Variants in CNTNAP3B observed in about 807,000 individuals in gnomAD.
The protein encoded by CNTNAP3B is contactin associated protein family member 3B, also known as contactin-associated protein-like 3B.
In CNTNAP3B, 25 loss-of-function variants were observed where a neutral mutation model predicts 108.9. The ratio of observed to expected loss-of-function variants is 0.23; its 90% confidence interval spans 0.17 to 0.32. The LOEUF (loss-of-function observed/expected upper bound fraction) is 0.32, where lower values mean the gene tolerates loss of function less well. CNTNAP3B is among the 10% of genes least tolerant of loss of function. CNTNAP3B has a pLI of 1.00. For missense variants in CNTNAP3B, 252 were observed against 1,210.4 expected, an observed-to-expected ratio of 0.21 and a Z score of 11.75; for synonymous variants, 103 against 473.4, an observed-to-expected ratio of 0.22 and a Z score of 10.16.
Position 42,055,130 on chromosome 9 carries a change from A to G in CNTNAP3B, c.390+21739T>C, listed in dbSNP as rs1162587376. Among the ~76,000 whole-genome samples, 4 of 138,796 alleles carry G rather than the reference A, an allele frequency of 2.9e-5. 1 individual carries two copies. The highest frequency in any genetic ancestry group is 8.6e-5 in the African/African-American group (3 of 34,952). 91.1% of individuals were successfully genotyped at this position (138,796 alleles called of 152,430 possible). A position where few individuals can be genotyped will look rare whatever the true frequency, so the allele number is the denominator to read the frequency against. ...ATCACTACTTATTATTATTTTTTAC[A>G]TTTATTTCAGTTTGTTTTTAATTGA... On this transcript the variant is annotated intron_variant, in intron 3 of 23. Coordinates refer to ENST00000377561, the MANE Select transcript of CNTNAP3B (RefSeq NM_001201380.3).
chr9:42,103,242 T>C (rs1416960235), intron 2 of CNTNAP3B, among the ~76,000 whole-genome samples: 1 of 146,654 alleles, frequency 6.8e-6, no homozygotes, highest in East Asian at 2.0e-4. Flanking sequence ...CCCATATCTC[T>C]GCAACAAATG....
intron 3 of CNTNAP3B, among the ~76,000 whole-genome samples, chr9:42,028,695 A>G: frequency 6.7e-6 from 1 of 150,140 alleles, no homozygotes; most frequent in Non-Finnish European, 1.5e-5. Context: ...GAATTTTTAA[A>G]TATATTTTAG....
At chr9:41,925,548 C>T (rs924132248) in intron 15 of CNTNAP3B, among the ~76,000 whole-genome samples, 1 of 152,264 alleles carries the variant, frequency 6.6e-6, no homozygotes, top group Admixed American at 6.5e-5. Flanking sequence ...AGCCGAGATC[C>T]TGCCACTGCA....
Position 42,105,629 on chromosome 9 carries a change from G to A in CNTNAP3B, c.86-890C>T, listed in dbSNP as rs1319158563. 3.2e-5 allele frequency among the ~76,000 whole-genome samples: 2 copies of A among 61,896 alleles called. 1 individual carries two copies. Among genetic ancestry groups the A allele is most frequent in the African/African-American group, 1.0e-4 (2 of 19,592 alleles). 40.6% of individuals were successfully genotyped at this position (61,896 alleles called of 152,430 possible). On this transcript the variant is annotated intron_variant, in intron 1 of 23. Coordinates refer to ENST00000377561, the MANE Select transcript of CNTNAP3B (RefSeq NM_001201380.3). ...CCACCATCAAACTTGAGGAGCCCCT[G>A]GGACCATTCCCACCTTGGGTAGCTC...
chr9:41,920,834 G>A (rs1458802071), intron 17 of CNTNAP3B, among the ~76,000 whole-genome samples: 6 of 152,392 alleles, frequency 3.9e-5, no homozygotes, highest in African/African-American at 1.2e-4. Flanking sequence ...AAGCAAAGGA[G>A]GGGAAGTTGG....
intron 14 of CNTNAP3B, among the ~76,000 whole-genome samples, chr9:41,933,942 GAAAT>G (rs1416298265): frequency 1.3e-5 from 2 of 151,484 alleles, no homozygotes; most frequent in African/African-American, 4.9e-5. Context: ...ATTCTATAAA[GAAAT>G]AATTTTTCCT....
chr9:42,111,220 C>T (rs1482445710), intron 1 of CNTNAP3B, among the ~76,000 whole-genome samples: 13 of 139,610 alleles, frequency 9.3e-5, no homozygotes, highest in Non-Finnish European at 1.5e-5. Context: ...TGAATAACAG[C>T]AGAACTTGGG....
At chr9:41,964,066 C>T (rs1415890988) in intron 11 of CNTNAP3B, among the ~76,000 whole-genome samples, 2 of 152,412 alleles carry the variant, frequency 1.3e-5, no homozygotes, top group Non-Finnish European at 2.9e-5. Context: ...AAAATCTTGC[C>T]ATGTACAATC....
chr9:41,940,954 G>GA (rs200510615), intron 13 of CNTNAP3B, among the ~76,000 whole-genome samples: 14,690 of 145,616 alleles, frequency 0.1, no homozygotes, highest in Middle Eastern at 0.23. Flanking sequence ...GGAACATCAG[G>GA]AAAAAAATGA....
Position 42,121,914 on chromosome 9 carries a change from G to A in CNTNAP3B, c.85+7096C>T, listed in dbSNP as rs1383532310. Among the ~76,000 whole-genome samples, 2 of 140,292 alleles carry A rather than the reference G, an allele frequency of 1.4e-5. 1 individual carries two copies. The highest frequency in any genetic ancestry group is 5.6e-5 in the African/African-American group (2 of 35,574). The allele number at this position is 140,292 out of a possible 152,430, so 92.0% of individuals were successfully genotyped here. ...TGCGGCAGAAGACTCCTGGGTCAAA[G>A]CAAAGGACTGTATTACTTACAGCAT... On this transcript the variant is annotated intron_variant, in intron 1 of 23. Transcript: ENST00000377561.
At chr9:41,935,439 C>T (rs1824128434) in intron 14 of CNTNAP3B, among the ~76,000 whole-genome samples, 1 of 152,394 alleles carries the variant, frequency 6.6e-6, no homozygotes, top group South Asian at 2.1e-4. Context: ...ACTAAGCACA[C>T]CTCAGTAATA....
chr9:42,060,125 C>T (rs1373656200), intron 3 of CNTNAP3B, among the ~76,000 whole-genome samples: 1 of 141,660 alleles, frequency 7.1e-6, no homozygotes, highest in East Asian at 2.1e-4. Context: ...GAGTTTTCAA[C>T]TTTTCACCAC....
At chr9:41,942,555 C>T (rs60378131) in intron 13 of CNTNAP3B, among the ~76,000 whole-genome samples, 1 of 148,174 alleles carries the variant, frequency 6.7e-6, no homozygotes, top group African/African-American at 2.5e-5. Flanking sequence ...AGCTTGCAGT[C>T]AGCTGAGATG....
chr9:42,011,829 ATTC>A lies in CNTNAP3B; in HGVS notation c.538+1546_538+1548del, dbSNP rs763249551. 3.3e-4 allele frequency among the ~76,000 whole-genome samples: 31 copies of A among 95,178 alleles called. 7 individuals carry two copies. Among genetic ancestry groups the A allele is most frequent in the Non-Finnish European group, 6.2e-4 (28 of 45,266 alleles). The allele number at this position is 95,178 out of a possible 152,430, so 62.4% of individuals were successfully genotyped here. A position where few individuals can be genotyped will look rare whatever the true frequency, so the allele number is the denominator to read the frequency against. ...ATAAAATCACCATACTTGAACAATT[ATTC>A]TTCTAAGGAAAAAAAGACAATGTAG... is the stretch of plus-strand genomic sequence containing the variant. On this transcript the variant is annotated intron_variant, in intron 4 of 23. Transcript: ENST00000377561.
chr9:42,098,982 G>T (rs62558888), intron 2 of CNTNAP3B, among the ~76,000 whole-genome samples: 1 of 136,958 alleles, frequency 7.3e-6, no homozygotes, highest in Non-Finnish European at 1.6e-5. Flanking sequence ...ACCCAGAGTC[G>T]TGGCTAGGTT....
chr9:41,944,270 A>G (rs1340415092), intron 13 of CNTNAP3B, among the ~76,000 whole-genome samples: 1,341 of 147,928 alleles, frequency 9.1e-3, no homozygotes, highest in South Asian at 0.036. Flanking sequence ...TAGAGAAGAA[A>G]AAAATTAAAA....
Position 42,121,966 on chromosome 9 carries a change from T to G in CNTNAP3B, c.85+7044A>C, listed in dbSNP as rs1173636736. Among the ~76,000 whole-genome samples, 3 of 139,634 alleles carry G rather than the reference T, an allele frequency of 2.1e-5. 1 individual carries two copies. Among genetic ancestry groups the G allele is most frequent in the Admixed American group, 1.4e-4 (2 of 14,068 alleles). The allele number at this position is 139,634 out of a possible 152,430, so 91.6% of individuals were successfully genotyped here. On this transcript the variant is annotated intron_variant, in intron 1 of 23. Transcript: ENST00000377561. ...GCAAACAGTATGAGCATCAGCATAT[T>G]TGCATCAATTTCCTTGCCTCCAAGT...
chr9:41,928,532 A>T (rs1240802938), intron 15 of CNTNAP3B, among the ~76,000 whole-genome samples: 2 of 152,202 alleles, frequency 1.3e-5, no homozygotes, highest in African/African-American at 2.4e-5. Flanking sequence ...GCTTGGTATT[A>T]GGGGATGGAG....
At chr9:41,939,029 T>C (rs1381944994) in intron 13 of CNTNAP3B, among the ~76,000 whole-genome samples, 1 of 152,270 alleles carries the variant, frequency 6.6e-6, no homozygotes, top group Non-Finnish European at 1.5e-5. Flanking sequence ...ACTACAGCTC[T>C]GACGAGTGCG....
Sources: allele counts gnomAD v4.1 joint callset (sites outside exome capture counted in the v4.1 genomes callset), GRCh38; gene constraint gnomAD v4.1.1; transcripts MANE v1.5; gene names NCBI Gene and HGNC (gene_info 2026-07-23, HGNC 2026-07-21).